The following FBXO34 variants were observed in gnomAD, a reference collection of about 807,000 sequenced individuals.
The protein encoded by FBXO34 is F-box protein 34, also known as F-box only protein 34.
A neutral mutation model predicts 24.5 loss-of-function variants in FBXO34; 12 were observed. The ratio of observed to expected loss-of-function variants is 0.49; its 90% CI spans 0.31 to 0.79. FBXO34 has a LOEUF of 0.79. FBXO34 is among the 30% of genes least tolerant of loss of function. The pLI, the probability that FBXO34 is intolerant of heterozygous loss-of-function variation, is 0.04. For missense variants in FBXO34, 823 were observed against 857.7 expected (o/e 0.96, Z 0.51); for synonymous variants, 320 against 311.9 (o/e 1.03, Z -0.27).
At chr14:55,272,951 A>G (rs1477712169) in intron 1 of FBXO34, among the ~76,000 whole-genome samples, 3 of 152,248 alleles carry the variant, frequency 2.0e-5, no homozygotes, top group Non-Finnish European at 4.4e-5. Flanking sequence ...CAAAGCTTTC[A>G]GAAGAGATCT....
chr14:55,402,737 C>T, the FBXO34 span, among the ~76,000 whole-genome samples: 2 of 148,406 alleles, frequency 1.3e-5, no homozygotes, highest in African/African-American at 5.0e-5. Context: ...ATCCCACTGT[C>T]AGGAATAAAG....
rs115138166 is a variant in FBXO34, at chr14:55,307,079, A to C, written c.-11+35542A>C. Among the ~76,000 whole-genome samples, 863 of 152,348 alleles carry C rather than the reference A, an allele frequency of 5.7e-3. 12 individuals are homozygous for C. The highest frequency in any genetic ancestry group is 0.019 in the African/African-American group (792 of 41,578). On this transcript the variant is annotated intron_variant, in intron 1 of 1. Transcript: ENST00000313833. ...CATGAAAGTAAGACTGATTGTTCTG[A>C]ATTGCTATGTATATGTGCTTTGGCA...
At chr14:55,323,226 T>TATA (rs1491370677) in intron 1 of FBXO34, among the ~76,000 whole-genome samples, 1,438 of 20,436 alleles carry the variant, frequency 0.07, 87 homozygotes, top group Middle Eastern at 0.19. Flanking sequence ...AAAATATATA[T>TATA]TTTTTTTTTT....
At chr14:55,324,034 C>A (rs1168522830) in intron 1 of FBXO34, among the ~76,000 whole-genome samples, 1 of 152,020 alleles carries the variant, frequency 6.6e-6, no homozygotes, top group African/African-American at 2.4e-5. Flanking sequence ...ATTTTTGTCA[C>A]CCCCATGGGT....
chr14:55,349,908 G>A (rs1273576776), intron 1 of FBXO34, among the ~76,000 whole-genome samples: 1 of 152,054 alleles, frequency 6.6e-6, no homozygotes, highest in Non-Finnish European at 1.5e-5. Context: ...TGCCCGGCCA[G>A]GAAGCAATAA....
intron 1 of FBXO34, among the ~76,000 whole-genome samples, chr14:55,342,902 A>G (rs1251558519): frequency 6.6e-6 from 1 of 152,178 alleles, no homozygotes; most frequent in Non-Finnish European, 1.5e-5. Context: ...ATCATCCTTC[A>G]TAGTGGGGAA....
At chr14:55,316,242 G>A (rs1187438619) in intron 1 of FBXO34, among the ~76,000 whole-genome samples, 1 of 151,854 alleles carries the variant, frequency 6.6e-6, no homozygotes, top group Non-Finnish European at 1.5e-5. Flanking sequence ...TAATTTGCAG[G>A]GCTGAGTACA....
chr14:55,323,717 C>G (rs1883247519), intron 1 of FBXO34, among the ~76,000 whole-genome samples: 1 of 152,160 alleles, frequency 6.6e-6, no homozygotes, highest in Non-Finnish European at 1.5e-5. Flanking sequence ...TGTATCTTTT[C>G]ACTCAGAGAT....
At chr14:55,432,804 C>A in the FBXO34 span, among the ~76,000 whole-genome samples, 1 of 152,216 alleles carries the variant, frequency 6.6e-6, no homozygotes, top group African/African-American at 2.4e-5. Flanking sequence ...AAAACAGGCT[C>A]TGCCACTACA....
At chr14:55,276,644 G>T (rs935543058) in intron 1 of FBXO34, among the ~76,000 whole-genome samples, 1 of 151,956 alleles carries the variant, frequency 6.6e-6, no homozygotes, top group African/African-American at 2.4e-5. Flanking sequence ...GAAGCGGGGG[G>T]GTCTAGTTAA....
chr14:55,350,450 G>A lies in FBXO34; in HGVS notation c.60G>A (p.Arg20=). The part of the protein sequence containing the change: ...QKKEHPPEVS[R]ETQRTPMNHQ... ...AAGAGCACCCCCCGGAAGTCAGCAG[G>A]GAAACGCAGAGAACTCCTATGAACC... Residue 20 remains arginine (R), a synonymous_variant, in exon 2 of 2, where the codon AGG becomes AGA. Coordinates refer to ENST00000313833, the MANE Select transcript of FBXO34 (RefSeq NM_017943.4). 1.2e-6 allele frequency: 2 copies of A among 1,610,430 alleles called. No individual in the cohort carries two copies. The highest frequency in any genetic ancestry group is 1.7e-6 in the Non-Finnish European group (2 of 1,178,858).
intron 3 of FBXO34, among the ~76,000 whole-genome samples, chr14:55,359,388 C>T (rs1178070626): frequency 1.3e-5 from 2 of 152,186 alleles, no homozygotes; most frequent in Non-Finnish European, 2.9e-5. Flanking sequence ...CAGACCACTG[C>T]AATAAAGCAA....
intron 1 of FBXO34, among the ~76,000 whole-genome samples, chr14:55,286,241 A>T (rs1274150450): frequency 6.6e-6 from 1 of 152,214 alleles, no homozygotes; most frequent in Non-Finnish European, 1.5e-5. Flanking sequence ...TAAGAGTGAT[A>T]TTCTTGAAGA....
downstream of FBXO34, among the ~76,000 whole-genome samples, chr14:55,373,115 C>T (rs370073366): frequency 3.3e-4 from 50 of 152,298 alleles, 1 homozygote; most frequent in African/African-American, 1.2e-3. Context: ...CACACACAAC[C>T]AACTAGCAAA....
At chr14:55,355,421 C>T (rs1445478493), downstream of FBXO34, among the ~76,000 whole-genome samples, 2 of 152,200 alleles carry the variant, frequency 1.3e-5, no homozygotes, top group African/African-American at 4.8e-5. Flanking sequence ...TGCCCCTCTT[C>T]TTGTCTGTCA....
chr14:55,280,785 C>T (rs1349210286), intron 1 of FBXO34, among the ~76,000 whole-genome samples: 8 of 152,006 alleles, frequency 5.3e-5, no homozygotes, highest in Admixed American at 1.3e-4. Context: ...CTCAGCCTTC[C>T]GAAGTGCTGG....
downstream of FBXO34, among the ~76,000 whole-genome samples, chr14:55,356,936 G>C (rs1884531109): frequency 6.6e-6 from 1 of 152,056 alleles, no homozygotes; most frequent in Admixed American, 6.5e-5. Context: ...TTTTTGTGGA[G>C]ACAGTTTTGC....
At chr14:55,378,199 A>G in the FBXO34 span, 5 of 709,946 alleles carry the variant, frequency 7.0e-6, no homozygotes, top group African/African-American at 3.6e-5. Flanking sequence ...AGTAAATTGC[A>G]CTTAAAGACT....
intron 1 of FBXO34, chr14:55,271,916 C>G (rs1176880647): frequency 6.6e-6 from 1 of 152,392 alleles, no homozygotes. Context: ...AGCCTCTGGA[C>G]TGGGGTCGCC....
Sources: allele counts gnomAD v4.1 joint callset (sites outside exome capture counted in the v4.1 genomes callset), GRCh38; gene constraint gnomAD v4.1.1; transcripts MANE v1.5; gene names NCBI Gene and HGNC (gene_info 2026-07-23, HGNC 2026-07-21).